The following PRRC1 variants were observed in gnomAD, a reference collection of about 807,000 sequenced individuals.
PRRC1 encodes proline rich coiled-coil 1.
In PRRC1, 39 loss-of-function variants were observed where a neutral mutation model predicts 40.7. That is an observed-to-expected ratio of 0.96 (90% confidence interval 0.74 to 1.25). PRRC1 has a LOEUF of 1.25. PRRC1 is among the 50% of genes most tolerant of loss of function. The pLI is 0.00. For synonymous variants in PRRC1, 175 were observed against 193.3 expected (o/e 0.91, Z 0.79); for missense variants, 573 against 548.3 (o/e 1.05, Z -0.45).
rs1194805557 is a variant in PRRC1 at position 127,524,589 on chromosome 5, C to T, written c.162C>T (p.Leu54=). 32 of 1,613,960 alleles carry T rather than the reference C, an allele frequency of 2.0e-5. 1 individual carries two copies. The highest frequency in any genetic ancestry group is 5.5e-5 in the South Asian group (5 of 91,080). ...NVSSMESFPP[L]AYSTPQPPLP... is the part of the protein sequence containing the mutation. ...CCTCCATGGAGTCCTTCCCACCACT[C>T]GCATACTCTACTCCTCAGCCGCCCC... Residue 54 remains leucine, a synonymous_variant, in exon 3 of 9, where the codon CTC becomes CTT. Transcript: ENST00000296666.
At position 127,551,833 on chromosome 5, in the gene PRRC1, A is replaced by T. The variant is rs1175165392; in HGVS notation, c.1255A>T (p.Met419Leu). ...TGATTGGCACATGGCATTTACTGGG[A>T]TGTCCCGTCGGCAGATGATCTACAG... Reference protein sequence around the residue: ...RTDWHMAFTGMSRRQMIYSAA... With the variant: ...RTDWHMAFTGLSRRQMIYSAA... The change falls in exon 9 of 9, where the codon ATG becomes TTG. Residue 419 changes from methionine (M) to leucine (L), a missense_variant. Met to Leu is a conservative substitution (Grantham distance 15). Coordinates refer to ENST00000296666, the MANE Select transcript of PRRC1 (RefSeq NM_130809.5). 1 of 1,614,088 alleles carries T rather than the reference A, an allele frequency of 6.2e-7. No individual in the cohort carries two copies.
chr5:127,535,858 A>G (rs927556923), intron 6 of PRRC1, among the ~76,000 whole-genome samples: 4 of 152,104 alleles, frequency 2.6e-5, no homozygotes, highest in African/African-American at 7.2e-5. Flanking sequence ...CTGACACTAG[A>G]TTATTTTTAA....
At position 127,552,219 on chromosome 5, in the gene PRRC1, C is replaced by T. The variant is rs1768412319; in HGVS notation, c.*303C>T. 1 of 1,116,108 alleles carries T rather than the reference C, an allele frequency of 9.0e-7. No individual in the cohort carries two copies. Among genetic ancestry groups the T allele is most frequent in the Non-Finnish European group, 1.1e-6 (1 of 910,430 alleles). The allele number at this position is 1,116,108 out of a possible 1,614,324, so 69.1% of individuals were successfully genotyped here. A position where few individuals can be genotyped will look rare whatever the true frequency, so the allele number is the denominator to read the frequency against. ...TAAGGTGGAAATTCATGTGCAGAGA[C>T]ATTTAACTTAATGCCATGTACTTGA... On this transcript the variant is annotated 3_prime_UTR_variant, in exon 9 of 9. Coordinates refer to ENST00000296666, the MANE Select transcript of PRRC1 (RefSeq NM_130809.5).
intron 1 of PRRC1, among the ~76,000 whole-genome samples, chr5:127,521,720 C>T (rs1248565882): frequency 2.0e-5 from 3 of 152,178 alleles, no homozygotes; most frequent in Admixed American, 2.0e-4. Context: ...CTGTCTGTCC[C>T]TCCAGTCCTG....
chr5:127,524,255 TC>T, intron 2 of PRRC1: 1 of 313,312 alleles, frequency 3.2e-6, no homozygotes, highest in Non-Finnish European at 5.8e-6. Context: ...GGATGAAAAA[TC>T]GCTTTATTTT....
intron 4 of PRRC1, among the ~76,000 whole-genome samples, chr5:127,529,376 A>G (rs1463504551): frequency 6.6e-6 from 1 of 152,070 alleles, no homozygotes; most frequent in African/African-American, 2.4e-5. Flanking sequence ...TTTTGCATAC[A>G]GACTACAACA....
intron 7 of PRRC1, among the ~76,000 whole-genome samples, chr5:127,541,465 G>T (rs1020875336): frequency 2.0e-5 from 3 of 147,402 alleles, no homozygotes; most frequent in Non-Finnish European, 4.5e-5. Flanking sequence ...GTTCCTCCTT[G>T]TACCTCTGGT....
chr5:127,553,713 A>G lies in PRRC1; in HGVS notation c.*1797A>G, dbSNP rs1463594002. ...CTAAAAATACCTTAATTTTTCTTTGATTTTTATTTTACCAAGTCACAAATG... is the reference window on the plus strand; with the variant it reads ...CTAAAAATACCTTAATTTTTCTTTGGTTTTTATTTTACCAAGTCACAAATG... On this transcript the variant is annotated 3_prime_UTR_variant, in exon 9 of 9. Transcript: ENST00000296666. The G allele has an allele frequency of 6.7e-7, 1 of 1,499,484 alleles. No homozygotes were observed. Among genetic ancestry groups the G allele is most frequent in the Non-Finnish European group, 8.8e-7 (1 of 1,133,228 alleles). 92.9% of individuals were successfully genotyped at this position (1,499,484 alleles called of 1,614,324 possible).
chr5:127,533,695 T>G lies in PRRC1; in HGVS notation c.830T>G (p.Phe277Cys). Residue 277 changes from phenylalanine (F) to cysteine (C), a missense_variant, in exon 6 of 9, where the codon TTC becomes TGC. By Grantham distance (205) the Phe-to-Cys change is radical (BLOSUM62 -2). Coordinates refer to ENST00000296666, the MANE Select transcript of PRRC1 (RefSeq NM_130809.5). ...EVKVAAVRDA[F>C]QEVFGLAVVV... Reference sequence around the variant, plus strand: ...AAAGTTGCTGCTGTCCGAGATGCCTTCCAGGAGGTCTTTGGCTTAGCTGTG... The same window carrying G: ...AAAGTTGCTGCTGTCCGAGATGCCTGCCAGGAGGTCTTTGGCTTAGCTGTG... The G allele has an allele frequency of 6.2e-7, 1 of 1,614,162 alleles. No individual in the cohort carries two copies. Among genetic ancestry groups the G allele is most frequent in the Non-Finnish European group, 8.5e-7 (1 of 1,179,994 alleles).
chr5:127,553,095 A>AGAT lies in PRRC1; in HGVS notation c.*1180_*1182dup. On this transcript the variant is annotated 3_prime_UTR_variant, in exon 9 of 9. Transcript: ENST00000296666. The stretch of plus-strand genomic sequence containing the variant: ...ATACAAGTTCAAATAACTTTTTCGA[A>AGAT]GATAGTTTCTTATATAAATGTAATT... 1.1e-6 allele frequency: 1 copy of AGAT among 878,540 alleles called. No homozygotes were observed. The highest frequency in any genetic ancestry group is 1.4e-6 in the Non-Finnish European group (1 of 733,234). 54.4% of individuals were successfully genotyped at this position (878,540 alleles called of 1,614,324 possible).
intron 7 of PRRC1, among the ~76,000 whole-genome samples, chr5:127,543,537 C>T (rs573493779): frequency 6.6e-6 from 1 of 152,322 alleles, no homozygotes; most frequent in East Asian, 1.9e-4. Flanking sequence ...GGTCTTTTCA[C>T]ATAGTCCCAT....
Position 127,553,837 on chromosome 5 carries a change from C to T in PRRC1, c.*1921C>T, listed in dbSNP as rs1768456323. 4 of 1,535,750 alleles carry T rather than the reference C, an allele frequency of 2.6e-6. No homozygotes were observed. In the South Asian group the frequency reaches 3.6e-5, roughly 14 times the overall value. ...GAATCCCCAAAGAGCAGTGGCAGTC[C>T]ATGGCTTGGTTGAAGCTAGAAATTT... is the stretch of plus-strand genomic sequence containing the variant. On this transcript the variant is annotated 3_prime_UTR_variant, in exon 9 of 9. Transcript: ENST00000296666.
chr5:127,551,794 A>G lies in PRRC1; in HGVS notation c.1216A>G (p.Asn406Asp). ...VGEVLEKSLL[N>D]VSRTDWHMAF... Reference sequence around the variant, plus strand: ...TGAAGTCCTGGAAAAGAGTTTACTGAATGTCAGCCGGACTGATTGGCACAT... The same window carrying G: ...TGAAGTCCTGGAAAAGAGTTTACTGGATGTCAGCCGGACTGATTGGCACAT... Residue 406 changes from asparagine (N) to aspartate (D), a missense_variant, in exon 9 of 9, where the codon AAT becomes GAT. Coordinates refer to ENST00000296666, the MANE Select transcript of PRRC1 (RefSeq NM_130809.5). The G allele has an allele frequency of 6.2e-7, 1 of 1,614,126 alleles. No individual in the cohort carries two copies. Among genetic ancestry groups the G allele is most frequent in the Non-Finnish European group, 8.5e-7 (1 of 1,179,988 alleles).
At chr5:127,527,459 T>A (rs1202309746) in intron 4 of PRRC1, among the ~76,000 whole-genome samples, 1 of 152,136 alleles carries the variant, frequency 6.6e-6, no homozygotes, top group East Asian at 1.9e-4. Flanking sequence ...CAATAAATCA[T>A]CATCATGATT....
chr5:127,528,255 A>G (rs956167095), intron 4 of PRRC1, among the ~76,000 whole-genome samples: 1 of 152,068 alleles, frequency 6.6e-6, no homozygotes, highest in African/African-American at 2.4e-5. Context: ...TTTGACAGAA[A>G]AGTTCAATTT....
intron 5 of PRRC1, among the ~76,000 whole-genome samples, chr5:127,532,167 G>A (rs1767791799): frequency 6.6e-6 from 1 of 150,654 alleles, no homozygotes; most frequent in African/African-American, 2.4e-5. Context: ...GGAGTGCAGT[G>A]GTGCAATCTC....
In PRRC1 at chr5:127,541,030, A is replaced by T. The variant is rs548221640; in HGVS notation, c.1025+1887A>T. ...GGGTTTGTCATAGATAGCTCTTATT[A>T]TTTTGAGATACGTCCCATCAGTACC... On this transcript the variant is annotated intron_variant, in intron 7 of 8. Coordinates refer to ENST00000296666, the MANE Select transcript of PRRC1 (RefSeq NM_130809.5). 3.3e-5 allele frequency among the ~76,000 whole-genome samples: 5 copies of T among 152,262 alleles called. No individual in the cohort carries two copies. The South Asian group carries it at 1.0e-3, about 32-fold the overall frequency.
At chr5:127,545,038 G>T (rs1768174315) in intron 7 of PRRC1, among the ~76,000 whole-genome samples, 1 of 152,176 alleles carries the variant, frequency 6.6e-6, no homozygotes, top group South Asian at 2.1e-4. Flanking sequence ...TCCCACAGTA[G>T]CTCACCATCA....
In PRRC1 at chr5:127,553,131, A is replaced by T; in HGVS notation, c.*1215A>T. On this transcript the variant is annotated 3_prime_UTR_variant, in exon 9 of 9. Transcript: ENST00000296666. ...TATATAAATGTAATTTAATTTTTTT[A>T]CTCTTCTATACAGTTCTTTAGATGT... 1.1e-6 allele frequency: 1 copy of T among 949,430 alleles called. No individual in the cohort carries two copies. Among genetic ancestry groups the T allele is most frequent in the Non-Finnish European group, 1.3e-6 (1 of 797,812 alleles). 58.8% of individuals were successfully genotyped at this position (949,430 alleles called of 1,614,324 possible). A position where few individuals can be genotyped will look rare whatever the true frequency, so the allele number is the denominator to read the frequency against.
Sources: gnomAD v4.1 joint callset for allele counts (sites outside exome capture counted in the v4.1 genomes callset) on GRCh38, gnomAD v4.1.1 for gene constraint, MANE v1.5 for transcripts, NCBI Gene and HGNC (gene_info 2026-07-23, HGNC 2026-07-21) for gene names.